Variants in AQR observed in about 807,000 individuals in gnomAD.
The protein encoded by AQR is aquarius intron-binding spliceosomal factor, also known as RNA helicase aquarius.
Under a neutral mutation model 180.5 loss-of-function variants are expected in AQR, and 61 were observed. The ratio of observed to expected loss-of-function variants is 0.34; its 90% CI spans 0.28 to 0.42. The LOEUF (loss-of-function observed/expected upper bound fraction) is 0.42, where lower values mean the gene tolerates loss of function less well. AQR is among the 10% of genes least tolerant of loss of function. The probability of loss-of-function intolerance (pLI) is 1.00; values close to 1 mark genes in which losing one functional copy is unlikely to be tolerated. For missense variants in AQR, 1,281 were observed against 1,798.3 expected (o/e 0.71, Z 5.20); for synonymous variants, 551 against 588.8 (o/e 0.94, Z 0.93).
At chr15:34,912,599 A>G (rs1893517390) in intron 16 of AQR, among the ~76,000 whole-genome samples, 1 of 152,052 alleles carries the variant, frequency 6.6e-6, no homozygotes, top group Non-Finnish European at 1.5e-5. Flanking sequence ...AACCTCCTTT[A>G]GAGCATATTT....
At chr15:34,902,619 A>G (rs932606894) in intron 19 of AQR, among the ~76,000 whole-genome samples, 1 of 152,130 alleles carries the variant, frequency 6.6e-6, no homozygotes, top group African/African-American at 2.4e-5. Context: ...ATTCATCTTC[A>G]TAAGCTTCAT....
intron 14 of AQR, among the ~76,000 whole-genome samples, chr15:34,919,430 G>A (rs891817975): frequency 2.6e-5 from 4 of 152,090 alleles, no homozygotes; most frequent in African/African-American, 9.7e-5. Context: ...TCCAAAGCCT[G>A]GGGAAATCCT....
chr15:34,876,733 T>C (rs577376635), intron 27 of AQR, among the ~76,000 whole-genome samples: 6 of 152,202 alleles, frequency 3.9e-5, no homozygotes, highest in Non-Finnish European at 7.4e-5. Context: ...CAAGAACCTA[T>C]ATTCAATCTA....
At chr15:34,884,085 T>C (rs1398673197) in intron 26 of AQR, among the ~76,000 whole-genome samples, 1 of 152,144 alleles carries the variant, frequency 6.6e-6, no homozygotes, top group East Asian at 1.9e-4. Flanking sequence ...ATTTATATCT[T>C]ACTTAAAATT....
chr15:34,864,172 T>G (rs971468930), intron 32 of AQR, among the ~76,000 whole-genome samples: 1 of 118,516 alleles, frequency 8.4e-6, no homozygotes, highest in Non-Finnish European at 1.9e-5. Flanking sequence ...TTTTTTATGG[T>G]TTTTTTTATG....
At chr15:34,864,874 C>T (rs1291778104) in intron 32 of AQR, among the ~76,000 whole-genome samples, 2 of 152,020 alleles carry the variant, frequency 1.3e-5, no homozygotes, top group Non-Finnish European at 2.9e-5. Context: ...TAGGTATCTT[C>T]CAAGGATATA....
chr15:34,927,884 G>C (rs751446680), intron 12 of AQR, among the ~76,000 whole-genome samples: 56 of 152,306 alleles, frequency 3.7e-4, no homozygotes, highest in East Asian at 3.9e-4. Flanking sequence ...CCAAGCATGA[G>C]AATGAACTGT....
chr15:34,960,915 G>A, intron 2 of AQR, 101 bp from the exon 3 acceptor site: 1 of 457,942 alleles, frequency 2.2e-6, no homozygotes, highest in Non-Finnish European at 3.8e-6. Context: ...AGTTGGTTTA[G>A]GAAAGCCATC....
chr15:34,923,075 T>G (rs1893705981), intron 13 of AQR, among the ~76,000 whole-genome samples: 1 of 152,212 alleles, frequency 6.6e-6, no homozygotes, highest in Admixed American at 6.5e-5. Context: ...TTAAGTATAG[T>G]AGAATAAGAT....
rs373245124 is a variant in AQR at position 34,886,613 on chromosome 15, T to C, written c.2730A>G (p.Glu910=). 6.2e-7 allele frequency: 1 copy of C among 1,614,030 alleles called. No homozygotes were observed. ...YVLARRIELL[E]EVKRLQKSLG... ...GACTCTTTTGCAATCGTTTGACTTCTTCTAAAAGTTCTATTCTTCGAGCCA... is the reference window on the plus strand; with the variant it reads ...GACTCTTTTGCAATCGTTTGACTTCCTCTAAAAGTTCTATTCTTCGAGCCA... Residue 910 remains glutamate (E), a synonymous_variant, in exon 25 of 35, where the codon GAA becomes GAG. Coordinates refer to ENST00000156471, the MANE Select transcript of AQR (RefSeq NM_014691.3).
chr15:34,887,993 A>C (rs963614824), intron 24 of AQR, among the ~76,000 whole-genome samples: 1 of 152,220 alleles, frequency 6.6e-6, no homozygotes, highest in African/African-American at 2.4e-5. Flanking sequence ...TTTGTGAAGT[A>C]ATGTTAAACT....
intron 9 of AQR, 139 bp downstream of exon 9, chr15:34,938,598 T>C (rs1893977575): frequency 1.0e-5 from 6 of 574,092 alleles, no homozygotes; most frequent in African/African-American, 3.7e-5. Flanking sequence ...TGGTAATGTA[T>C]TTAAAAAGGA....
At chr15:34,931,603 T>C (rs1449241985) in intron 11 of AQR, among the ~76,000 whole-genome samples, 2 of 152,028 alleles carry the variant, frequency 1.3e-5, no homozygotes, top group East Asian at 3.9e-4. Context: ...AGTTCAGGAG[T>C]GTGAGGCCAC....
intron 19 of AQR, among the ~76,000 whole-genome samples, chr15:34,901,753 A>G (rs1893335210): frequency 6.6e-6 from 1 of 152,184 alleles, no homozygotes; most frequent in African/African-American, 2.4e-5. Context: ...TTGTTCAGGT[A>G]CTTGGTTATT....
intron 27 of AQR, among the ~76,000 whole-genome samples, chr15:34,881,018 A>G (rs1483675997): frequency 1.3e-5 from 2 of 152,220 alleles, no homozygotes; most frequent in Non-Finnish European, 2.9e-5. Context: ...GACGTGTAGC[A>G]TGATTTAAAT....
At chr15:34,882,003 A>AC (rs1171916518) in intron 27 of AQR, among the ~76,000 whole-genome samples, 3 of 152,022 alleles carry the variant, frequency 2.0e-5, no homozygotes, top group African/African-American at 7.2e-5. Flanking sequence ...ACGGGGTTTC[A>AC]CCATGCTGGC....
Position 34,938,942 on chromosome 15 carries a change from C to T in AQR, c.642-129G>A, listed in dbSNP as rs1407128789. ...TTTCTTTGTGAAGCTGGGACTATAA[C>T]TTCAATATACAGCTTCTTCTTTCTA... On this transcript the variant is annotated intron_variant, in intron 8 of 34. Coordinates refer to ENST00000156471, the MANE Select transcript of AQR (RefSeq NM_014691.3). 3 of 626,090 alleles carry T rather than the reference C, an allele frequency of 4.8e-6. No individual in the cohort carries two copies. The East Asian group carries it at 8.3e-5, about 17-fold the overall frequency. 38.8% of individuals were successfully genotyped at this position (626,090 alleles called of 1,614,324 possible).
intron 11 of AQR, among the ~76,000 whole-genome samples, chr15:34,931,697 A>T (rs1893863147): frequency 6.6e-6 from 1 of 152,148 alleles, no homozygotes. Context: ...AATTCCGGCT[A>T]CTGGGGAGAC....
chr15:34,938,636 TA>T (rs372327942), intron 9 of AQR, 100 bp downstream of exon 9: 4 of 778,310 alleles, frequency 5.1e-6, no homozygotes, highest in African/African-American at 5.1e-5. Context: ...CAATACAATT[TA>T]AAATCATTCC....
Sources: allele counts gnomAD v4.1 joint callset (sites outside exome capture counted in the v4.1 genomes callset), GRCh38; gene constraint gnomAD v4.1.1; transcripts MANE v1.5; gene names NCBI Gene and HGNC (gene_info 2026-07-23, HGNC 2026-07-21).